The following ARSB variants were observed in gnomAD, a reference collection of about 807,000 sequenced individuals.
The protein encoded by ARSB is arylsulfatase B, also known as N-acetylgalactosamine-4-sulfatase.
ARSB carries 41 observed loss-of-function variants against 50.9 expected under a neutral mutation model. The ratio of observed to expected loss-of-function variants is 0.81; its 90% CI spans 0.63 to 1.04. ARSB has a LOEUF of 1.04. ARSB is among the 50% of genes least tolerant of loss of function. ARSB has a pLI of 0.00. For missense variants in ARSB, 672 were observed against 693.3 expected (o/e 0.97, Z 0.35); for synonymous variants, 269 against 284.8 (o/e 0.94, Z 0.56).
intron 5 of ARSB, among the ~76,000 whole-genome samples, chr5:78,881,617 G>C (rs1747748797): frequency 1.3e-5 from 2 of 152,100 alleles, no homozygotes; most frequent in South Asian, 4.1e-4. Flanking sequence ...AAAAAATCAA[G>C]TTAATACAAG....
At chr5:78,787,368 C>T (rs143667330) in intron 6 of ARSB, among the ~76,000 whole-genome samples, 1 of 150,416 alleles carries the variant, frequency 6.6e-6, no homozygotes, top group Non-Finnish European at 1.5e-5. Flanking sequence ...GCTTTGGCCG[C>T]ACTGGGTGTT....
chr5:78,902,060 G>C (rs778193386), intron 4 of ARSB, among the ~76,000 whole-genome samples: 7 of 152,238 alleles, frequency 4.6e-5, no homozygotes, highest in Admixed American at 1.3e-4. Flanking sequence ...TGGAGGCTGG[G>C]AAGTCTAAGA....
intron 4 of ARSB, among the ~76,000 whole-genome samples, chr5:78,921,387 C>T (rs551430098): frequency 1.2e-4 from 18 of 148,208 alleles, no homozygotes; most frequent in African/African-American, 4.4e-4. Flanking sequence ...TGTGTGTATA[C>T]ACACACATAT....
intron 5 of ARSB, among the ~76,000 whole-genome samples, chr5:78,872,828 A>AG (rs1260759230): frequency 4.7e-5 from 7 of 148,596 alleles, no homozygotes; most frequent in Non-Finnish European, 6.0e-5. Flanking sequence ...AAAAAAAAAA[A>AG]AAAAAGAAAG....
chr5:78,951,872 C>T (rs1751506385), intron 4 of ARSB, among the ~76,000 whole-genome samples: 1 of 152,122 alleles, frequency 6.6e-6, no homozygotes, highest in African/African-American at 2.4e-5. Context: ...AAACTAACCA[C>T]ATTATTTTAT....
At chr5:78,791,717 T>C (rs1008272602) in intron 6 of ARSB, among the ~76,000 whole-genome samples, 1 of 152,274 alleles carries the variant, frequency 6.6e-6, no homozygotes, top group African/African-American at 2.4e-5. Context: ...CACTGTTGTC[T>C]AGATTTTTGT....
rs771166433 is a variant in ARSB, at chr5:78,780,361, C to T, written c.*36G>A. ...TCGTGAGAAAAGGCCTGAGGTCCAA[C>T]TTCCAATTGAAAGGTTTTCTAGCCT... On this transcript the variant is annotated 3_prime_UTR_variant, in exon 8 of 8. Coordinates refer to ENST00000264914, the MANE Select transcript of ARSB (RefSeq NM_000046.5). 1 of 1,612,740 alleles carries T rather than the reference C, an allele frequency of 6.2e-7. No homozygotes were observed.
chr5:78,950,900 T>A lies in ARSB; in HGVS notation c.898+4395A>T, dbSNP rs10057066. 4.4e-3 allele frequency among the ~76,000 whole-genome samples: 669 copies of A among 152,332 alleles called. 1 individual carries two copies. The highest frequency in any genetic ancestry group is 8.0e-3 in the Non-Finnish European group (543 of 68,028). On this transcript the variant is annotated intron_variant, in intron 4 of 7. Transcript: ENST00000264914. ...AATAAAGATTTTAGAAAAGTTCTATTCAGAAAGGTTCAGGAAAAGGATGGG... is the reference window on the plus strand; with the variant it reads ...AATAAAGATTTTAGAAAAGTTCTATACAGAAAGGTTCAGGAAAAGGATGGG...
chr5:78,810,199 G>C lies in ARSB; in HGVS notation c.1214-28225C>G, dbSNP rs368469609. ...TTTCTTTAACTCTCATTTCTCTTTC[G>C]GGGACAGAGCCTGCTATTCAGGGGC... On this transcript the variant is annotated intron_variant, in intron 6 of 7. Coordinates refer to ENST00000264914, the MANE Select transcript of ARSB (RefSeq NM_000046.5). Among the ~76,000 whole-genome samples the C allele has an allele frequency of 5.3e-5, 8 of 152,252 alleles. No individual in the cohort carries two copies. The South Asian group carries it at 1.5e-3, about 28-fold the overall frequency.
intron 5 of ARSB, among the ~76,000 whole-genome samples, chr5:78,863,291 T>C (rs766205858): frequency 3.9e-5 from 6 of 152,138 alleles, no homozygotes; most frequent in South Asian, 2.1e-4. Context: ...CATGCTACTA[T>C]AAAGACACAT....
intron 6 of ARSB, among the ~76,000 whole-genome samples, chr5:78,834,332 A>T (rs1389265707): frequency 6.6e-6 from 1 of 151,956 alleles, no homozygotes; most frequent in East Asian, 1.9e-4. Context: ...CATTAAATAC[A>T]TTCACGTTGT....
chr5:78,901,955 A>T (rs1252256498), intron 4 of ARSB, among the ~76,000 whole-genome samples: 1 of 152,234 alleles, frequency 6.6e-6, no homozygotes, highest in Non-Finnish European at 1.5e-5. Context: ...AGCTGCTTTG[A>T]AAAACAGTGT....
intron 6 of ARSB, chr5:78,783,630 A>C (rs1016857781): frequency 5.3e-5 from 8 of 152,204 alleles, no homozygotes; most frequent in African/African-American, 1.9e-4. Context: ...GGTTGCTAAC[A>C]TACAGACTGT....
intron 5 of ARSB, among the ~76,000 whole-genome samples, chr5:78,857,263 A>G (rs1746193864): frequency 1.3e-5 from 2 of 152,212 alleles, no homozygotes. Flanking sequence ...TCTCTCCAAT[A>G]TGAGAGTCTC....
rs1748940843 is a variant in ARSB at position 78,781,977 on chromosome 5, G to A, written c.1214-3C>T. On this transcript the variant is annotated splice_polypyrimidine_tract_variant and splice_region_variant and intron_variant, in intron 6 of 7. Transcript: ENST00000264914. ...TGGAGCCATGCTGTTCCTGGGACCT[G>A]GGAAGAAATAGTTTGAAAGAATTAG... 1.2e-6 allele frequency: 2 copies of A among 1,613,946 alleles called. No individual in the cohort carries two copies. Among genetic ancestry groups the A allele is most frequent in the Admixed American group, 1.7e-5 (1 of 59,990 alleles).
intron 4 of ARSB, among the ~76,000 whole-genome samples, chr5:78,904,142 T>G (rs552539411): frequency 6.6e-6 from 1 of 152,358 alleles, no homozygotes; most frequent in East Asian, 1.9e-4. Context: ...ATAATGCATT[T>G]GTGATTCATC....
intron 6 of ARSB, among the ~76,000 whole-genome samples, chr5:78,834,605 G>GTA (rs1339499167): frequency 3.4e-4 from 22 of 65,282 alleles, no homozygotes; most frequent in African/African-American, 4.8e-4. Context: ...GTATATATAT[G>GTA]TGTATATATA....
intron 6 of ARSB, among the ~76,000 whole-genome samples, chr5:78,793,611 G>C (rs566227914): frequency 6.6e-6 from 1 of 152,160 alleles, no homozygotes; most frequent in Admixed American, 6.5e-5. Context: ...GAAGTGTCTT[G>C]ATCCTGTGGC....
chr5:78,930,448 G>GA (rs34917607), intron 4 of ARSB, among the ~76,000 whole-genome samples: 91,606 of 151,880 alleles, frequency 0.6, 28,201 homozygotes, highest in African/African-American at 0.75. Flanking sequence ...AAAAGAAAAA[G>GA]AAAAAAAGAT....
Sources: allele counts gnomAD v4.1 joint callset (sites outside exome capture counted in the v4.1 genomes callset), GRCh38; gene constraint gnomAD v4.1.1; transcripts MANE v1.5; gene names NCBI Gene and HGNC (gene_info 2026-07-23, HGNC 2026-07-21).